The following FRMD4A variants were observed in gnomAD, a reference collection of about 807,000 sequenced individuals.
FRMD4A encodes FERM domain containing 4A, also known as FERM domain-containing protein 4A.
FRMD4A carries 29 observed loss-of-function variants against 129.1 expected under a neutral mutation model. The ratio of observed to expected loss-of-function variants is 0.22; its 90% CI spans 0.17 to 0.31. The LOEUF is 0.31. Among genes scored for constraint, FRMD4A ranks in the 10% least tolerant of loss-of-function variants. FRMD4A has a pLI of 1.00. For missense variants in FRMD4A, 1,272 were observed against 1,375.8 expected, an observed-to-expected ratio of 0.92 and a Z score of 1.19; for synonymous variants, 634 against 571.6, an observed-to-expected ratio of 1.11 and a Z score of -1.56.
intron 14 of FRMD4A, among the ~76,000 whole-genome samples, chr10:13,699,224 GT>G (rs1168489802): frequency 0.013 from 975 of 76,258 alleles, 6 homozygotes; most frequent in South Asian, 0.029. Flanking sequence ...CTTGGTTATT[GT>G]TTTTTTTTTT....
intron 2 of FRMD4A, chr10:13,971,728 G>T: frequency 2.3e-6 from 3 of 1,304,408 alleles, no homozygotes; most frequent in Non-Finnish European, 3.0e-6. Flanking sequence ...TCACTTGGCA[G>T]GTCCTCAGCG....
chr10:13,679,467 A>C (rs2084312559), intron 15 of FRMD4A, among the ~76,000 whole-genome samples: 1 of 91,546 alleles, frequency 1.1e-5, no homozygotes, highest in Non-Finnish European at 2.1e-5. Context: ...AAAAATATAT[A>C]TATATATACA....
chr10:13,838,506 T>C (rs987688423), intron 3 of FRMD4A, among the ~76,000 whole-genome samples: 1 of 149,774 alleles, frequency 6.7e-6, no homozygotes, highest in Non-Finnish European at 1.5e-5. Flanking sequence ...CTCCCTTTTT[T>C]TTTTGAGATT....
Position 14,316,524 on chromosome 10 carries a change from A to AAAAG in FRMD4A, c.45+13533_45+13534insCTTT, listed in dbSNP as rs556192567. On this transcript the variant is annotated intron_variant, in intron 2 of 24. Coordinates refer to ENST00000357447, the MANE Select transcript of FRMD4A (RefSeq NM_018027.5). ...TGATAGCAGCAAAAAAAAAAAAAAA[A>AAAAG]AAGAAGAAGAAGAAGAAGAAACCAG... Among the ~76,000 whole-genome samples, 1,280 of 132,544 alleles carry AAAAG rather than the reference A, an allele frequency of 9.7e-3. 18 individuals carry two copies. Among genetic ancestry groups the AAAAG allele is most frequent in the African/African-American group, 0.023 (888 of 37,992 alleles). The allele number at this position is 132,544 out of a possible 152,430, so 87.0% of individuals were successfully genotyped here.
chr10:13,928,668 G>C, intron 2 of FRMD4A, among the ~76,000 whole-genome samples: 1 of 152,124 alleles, frequency 6.6e-6, no homozygotes, highest in East Asian at 1.9e-4. Flanking sequence ...GCTAAGGCTG[G>C]CTGGCAGTGG....
chr10:14,006,470 CT>C (rs754365500), intron 2 of FRMD4A, among the ~76,000 whole-genome samples: 10 of 152,164 alleles, frequency 6.6e-5, no homozygotes, highest in Non-Finnish European at 1.0e-4. Flanking sequence ...GAAGTGGTAA[CT>C]GCCTATATTT....
chr10:13,861,748 C>T (rs2094297905), intron 2 of FRMD4A, among the ~76,000 whole-genome samples: 1 of 152,198 alleles, frequency 6.6e-6, no homozygotes, highest in Non-Finnish European at 1.5e-5. Flanking sequence ...CTATTAGAAT[C>T]CATCAACCTT....
intron 2 of FRMD4A, among the ~76,000 whole-genome samples, chr10:14,100,076 C>T (rs552894785): frequency 6.6e-6 from 1 of 152,372 alleles, no homozygotes; most frequent in African/African-American, 2.4e-5. Context: ...GGCTCATCCA[C>T]TCCTTGTTTT....
intron 2 of FRMD4A, among the ~76,000 whole-genome samples, chr10:14,197,330 TAAAAC>T (rs1842501255): frequency 1.3e-5 from 2 of 152,172 alleles, no homozygotes; most frequent in Admixed American, 6.5e-5. Flanking sequence ...GTATAACACA[TAAAAC>T]AAAATTGTTC....
chr10:13,897,182 G>C (rs2094768432), intron 2 of FRMD4A, among the ~76,000 whole-genome samples: 1 of 152,178 alleles, frequency 6.6e-6, no homozygotes, highest in Non-Finnish European at 1.5e-5. Flanking sequence ...TTCAGCTTGA[G>C]TTTAATACTT....
At position 13,886,924 on chromosome 10, in the gene FRMD4A, C is replaced by T. The variant is rs575745013; in HGVS notation, c.46-28012G>A. On this transcript the variant is annotated intron_variant, in intron 2 of 24. Coordinates refer to ENST00000357447, the MANE Select transcript of FRMD4A (RefSeq NM_018027.5). ...GTAGCCACGGATTGGCAAATAATTG[C>T]TAAGAAGGCAGGAGCAAAAAGGAAC... Among the ~76,000 whole-genome samples, 282 of 152,298 alleles carry T rather than the reference C, an allele frequency of 1.9e-3. 1 individual carries two copies. The highest frequency in any genetic ancestry group is 6.2e-3 in the African/African-American group (256 of 41,554).
chr10:13,698,969 G>T (rs1466727697), intron 14 of FRMD4A, among the ~76,000 whole-genome samples: 1 of 149,754 alleles, frequency 6.7e-6, no homozygotes, highest in Non-Finnish European at 1.5e-5. Flanking sequence ...TTACAAAAGG[G>T]ACAGCTGAAA....
intron 2 of FRMD4A, among the ~76,000 whole-genome samples, chr10:14,257,048 G>T (rs1030612862): frequency 1.3e-5 from 2 of 152,122 alleles, no homozygotes; most frequent in South Asian, 4.1e-4. Flanking sequence ...TAATTAACTG[G>T]CTGGGTGTAG....
At chr10:13,891,782 C>T (rs2094700525) in intron 2 of FRMD4A, 1 of 971,718 alleles carries the variant, frequency 1.0e-6, no homozygotes, top group Non-Finnish European at 1.2e-6. Context: ...CCCGCCGCCG[C>T]CCCCGCCGCG....
At chr10:14,100,820 A>G (rs953371786) in intron 2 of FRMD4A, among the ~76,000 whole-genome samples, 2 of 152,216 alleles carry the variant, frequency 1.3e-5, no homozygotes, top group African/African-American at 4.8e-5. Context: ...AAAAGTAAAT[A>G]TCTAAGGGAA....
chr10:14,229,295 A>T (rs1479610415), intron 2 of FRMD4A, among the ~76,000 whole-genome samples: 1 of 152,162 alleles, frequency 6.6e-6, no homozygotes, highest in Non-Finnish European at 1.5e-5. Context: ...TTGACCTAGG[A>T]TTTAAACACA....
chr10:14,280,982 ATTTTTTTTTTTTT>A (rs772555677), intron 2 of FRMD4A, among the ~76,000 whole-genome samples: 3 of 76,556 alleles, frequency 3.9e-5, no homozygotes, highest in Admixed American at 1.8e-4. Flanking sequence ...ACTGGTTTCA[ATTTTTTTTTTTTT>A]TTTTTTTTTT....
At chr10:14,074,299 G>T (rs1835459987) in intron 2 of FRMD4A, 1 of 152,202 alleles carries the variant, frequency 6.6e-6, no homozygotes, top group Admixed American at 6.5e-5. Context: ...CACGACCCAG[G>T]TTCCATGCTA....
chr10:13,784,809 G>A (rs1271477205), intron 5 of FRMD4A, among the ~76,000 whole-genome samples: 4 of 152,118 alleles, frequency 2.6e-5, no homozygotes, highest in Non-Finnish European at 4.4e-5. Context: ...GGCCACCATG[G>A]TGAAACCCCT....
Sources: allele counts gnomAD v4.1 joint callset (sites outside exome capture counted in the v4.1 genomes callset), GRCh38; gene constraint gnomAD v4.1.1; transcripts MANE v1.5; gene names NCBI Gene and HGNC (gene_info 2026-07-23, HGNC 2026-07-21).